The following XIRP2 variants were observed in gnomAD, a reference collection of about 807,000 sequenced individuals.
The protein encoded by XIRP2 is xin actin binding repeat containing 2, also known as xin actin-binding repeat-containing protein 2.
A neutral mutation model predicts 277.0 loss-of-function variants in XIRP2; 236 were observed. The observed-to-expected ratio is 0.85, with a 90% CI of 0.77 to 0.95. The LOEUF is 0.95. Ranked by LOEUF, XIRP2 falls within the 40% of genes least tolerant of loss-of-function variation. XIRP2 has a pLI of 0.00. For synonymous variants in XIRP2, 1,490 were observed against 1,416.5 expected (o/e 1.05, Z -1.17); for missense variants, 4,640 against 4,157.5 (o/e 1.12, Z -3.19).
intron 2 of XIRP2, among the ~76,000 whole-genome samples, chr2:167,027,011 T>C (rs1440371805): frequency 6.6e-6 from 1 of 152,218 alleles, no homozygotes; most frequent in South Asian, 2.1e-4. Flanking sequence ...GGAGTATCTT[T>C]GTGGCGTTCT....
chr2:167,064,065 G>A (rs565244818), intron 2 of XIRP2, among the ~76,000 whole-genome samples: 14 of 151,550 alleles, frequency 9.2e-5, no homozygotes, highest in South Asian at 6.3e-4. Flanking sequence ...GTTACAACTA[G>A]TTTTATAAAG....
intron 2 of XIRP2, among the ~76,000 whole-genome samples, chr2:166,910,563 G>C (rs568757931): frequency 6.6e-6 from 1 of 152,200 alleles, no homozygotes; most frequent in South Asian, 2.1e-4. Context: ...CAAAAAACCA[G>C]CTCCTGGATT....
In XIRP2 at chr2:167,258,584, A is replaced by G. The variant is rs1361729201; in HGVS notation, c.*767A>G. 3.1e-6 allele frequency: 5 copies of G among 1,612,978 alleles called. No individual in the cohort carries two copies. The highest frequency in any genetic ancestry group is 4.2e-6 in the Non-Finnish European group (5 of 1,179,574). On this transcript the variant is annotated 3_prime_UTR_variant, in exon 11 of 11. Transcript: ENST00000409195. The stretch of plus-strand genomic sequence containing the variant: ...GGAGAAAAATGAAAAAACTAACCAA[A>G]CTAATGGTGCAGAAGTTTTACAGGT...
Position 167,247,121 on chromosome 2 carries a change from C to T in XIRP2, c.5729C>T (p.Thr1910Ile), listed in dbSNP as rs1414874983. ...CTTGAAAAAGCTACAAATACAAAGA[C>T]AGAAATTCTGAAAAAGGAGCTTCTC... is the stretch of plus-strand genomic sequence containing the variant. Reference protein sequence around the residue: ...ECLEKATNTKTEILKKELLKD... With the variant: ...ECLEKATNTKIEILKKELLKD... The change falls in exon 9 of 11, where the codon ACA becomes ATA. Residue 1910 changes from threonine (T) to isoleucine (I), a missense_variant. Thr to Ile is a moderately conservative substitution (Grantham distance 89, BLOSUM62 -1). Transcript: ENST00000409195. 3 of 1,613,412 alleles carry T rather than the reference C, an allele frequency of 1.9e-6. No homozygotes were observed. Among genetic ancestry groups the T allele is most frequent in the Middle Eastern group, 1.7e-4 (1 of 6,060 alleles).
rs1262281960 is a variant in XIRP2, at chr2:167,248,077, G to GA, written c.6691dup (p.Ser2231LysfsTer6). 3.8e-5 allele frequency: 61 copies of GA among 1,613,276 alleles called. No homozygotes were observed. The highest frequency in any genetic ancestry group is 4.6e-5 in the Non-Finnish European group (54 of 1,179,718). On this transcript the variant is annotated frameshift_variant, in exon 9 of 11. Coordinates refer to ENST00000409195, the MANE Select transcript of XIRP2 (RefSeq NM_152381.6). LOFTEE classifies it high-confidence loss of function. ...CAATGTAACAGAAATGAAAGTCTCT[G>GA]AAAAAAGTCACAATACATTTAAGGC...
intron 2 of XIRP2, among the ~76,000 whole-genome samples, chr2:167,074,635 C>T (rs113373430): frequency 9.4e-5 from 14 of 149,472 alleles, no homozygotes; most frequent in Non-Finnish European, 1.6e-4. Flanking sequence ...TGTGTGTGTG[C>T]GTGTGTGTGT....
intron 3 of XIRP2, among the ~76,000 whole-genome samples, chr2:167,208,711 A>C (rs1693931634): frequency 6.6e-6 from 1 of 152,192 alleles, no homozygotes; most frequent in Non-Finnish European, 1.5e-5. Context: ...AAATGATAAA[A>C]ATCAAATATT....
intron 2 of XIRP2, among the ~76,000 whole-genome samples, chr2:167,056,855 G>T (rs77444676): frequency 0.035 from 5,262 of 152,002 alleles, 178 homozygotes; most frequent in African/African-American, 0.084. Flanking sequence ...CTTATAAAGC[G>T]GGGAGCTTTG....
chr2:167,167,044 T>A (rs1481016019), intron 3 of XIRP2, among the ~76,000 whole-genome samples: 1 of 152,232 alleles, frequency 6.6e-6, no homozygotes, highest in Non-Finnish European at 1.5e-5. Context: ...ACATTAAATA[T>A]TGTTGTGTTG....
At chr2:167,206,714 C>A (rs1220779416) in intron 3 of XIRP2, among the ~76,000 whole-genome samples, 1 of 152,154 alleles carries the variant, frequency 6.6e-6, no homozygotes, top group Non-Finnish European at 1.5e-5. Context: ...ATGTTTAAGC[C>A]ACTTTTAAAG....
chr2:166,929,066 C>T (rs1413882831), intron 2 of XIRP2, among the ~76,000 whole-genome samples: 3 of 152,024 alleles, frequency 2.0e-5, no homozygotes, highest in African/African-American at 4.8e-5. Flanking sequence ...TGATCCCCAA[C>T]CAGCAGCCTC....
In XIRP2 at chr2:167,243,551, C is replaced by T; in HGVS notation, c.2159C>T (p.Ser720Phe). ...VDEVHLLQLR[S>F]ELKEIKGNVK... The stretch of plus-strand genomic sequence containing the variant: ...GAGGTTCATTTACTGCAGCTTAGGT[C>T]TGAGCTCAAAGAAATTAAGGGAAAT... The change falls in exon 9 of 11, where the codon TCT becomes TTT. Residue 720 changes from serine (S) to phenylalanine (F), a missense_variant. Transcript: ENST00000409195. 1 of 1,613,848 alleles carries T rather than the reference C, an allele frequency of 6.2e-7. No individual in the cohort carries two copies. Among genetic ancestry groups the T allele is most frequent in the Non-Finnish European group, 8.5e-7 (1 of 1,179,964 alleles).
intron 3 of XIRP2, among the ~76,000 whole-genome samples, chr2:167,181,721 A>G (rs1020889777): frequency 3.9e-5 from 6 of 152,230 alleles, no homozygotes; most frequent in Admixed American, 3.9e-4. Context: ...TCAAAATTAT[A>G]TTTATAGGAC....
intron 2 of XIRP2, among the ~76,000 whole-genome samples, chr2:167,070,743 G>A (rs893372850): frequency 2.0e-5 from 3 of 152,050 alleles, no homozygotes; most frequent in Non-Finnish European, 2.9e-5. Context: ...TTCAAGATTT[G>A]ACTTGGAGCA....
rs1345607328 is a variant in XIRP2 at position 167,251,429 on chromosome 2, C to T, written c.10037C>T (p.Ser3346Phe). The T allele has an allele frequency of 6.2e-7, 1 of 1,613,474 alleles. No homozygotes were observed. Among genetic ancestry groups the T allele is most frequent in the East Asian group, 2.2e-5 (1 of 44,844 alleles). Reference protein sequence around the residue: ...WFREFEHGPVSEAKSNRRVYA... With the variant: ...WFREFEHGPVFEAKSNRRVYA... ...AGGGAATTTGAGCATGGCCCAGTTT[C>T]TGAAGCAAAGTCAAATAGAAGAGTT... is the stretch of plus-strand genomic sequence containing the variant. The change falls in exon 9 of 11, where the codon TCT becomes TTT. Residue 3346 changes from serine (S) to phenylalanine (F), a missense_variant. Coordinates refer to ENST00000409195, the MANE Select transcript of XIRP2 (RefSeq NM_152381.6).
At chr2:167,123,499 C>G (rs970646089) in intron 2 of XIRP2, among the ~76,000 whole-genome samples, 2 of 141,018 alleles carry the variant, frequency 1.4e-5, no homozygotes, top group South Asian at 4.8e-4. Context: ...GAGAAAAAAA[C>G]TTTTTTTTGT....
chr2:167,153,066 C>A (rs367570646), intron 3 of XIRP2, among the ~76,000 whole-genome samples: 5 of 152,236 alleles, frequency 3.3e-5, no homozygotes, highest in African/African-American at 1.2e-4. Flanking sequence ...TAACTACATA[C>A]CCATATGTGC....
intron 2 of XIRP2, among the ~76,000 whole-genome samples, chr2:167,022,608 C>A (rs982869902): frequency 6.6e-6 from 1 of 151,634 alleles, no homozygotes; most frequent in South Asian, 2.1e-4. Context: ...CCTACCCCCA[C>A]CCCACAACAG....
At position 166,930,259 on chromosome 2, in the gene XIRP2, G is replaced by A. The variant is rs1384040928; in HGVS notation, c.408+26369G>A. ...TAAATGTCAGACGTCACAGTGATCT[G>A]GCCACAACATCAAACATATGATTTA... On this transcript the variant is annotated intron_variant, in intron 2 of 10. Transcript: ENST00000409195. 2.6e-5 allele frequency among the ~76,000 whole-genome samples: 4 copies of A among 152,198 alleles called. No individual in the cohort carries two copies. The East Asian group carries it at 5.8e-4, about 22-fold the overall frequency.
Sources: gnomAD v4.1 joint callset for allele counts (sites outside exome capture counted in the v4.1 genomes callset) on GRCh38, gnomAD v4.1.1 for gene constraint, MANE v1.5 for transcripts, NCBI Gene and HGNC (gene_info 2026-07-23, HGNC 2026-07-21) for gene names.